TMIGD1: variants seen among roughly 807,000 people sequenced by gnomAD.
TMIGD1 encodes the protein transmembrane and immunoglobulin domain containing 1, also known as transmembrane and immunoglobulin domain-containing protein 1.
Under a neutral mutation model 27.5 loss-of-function variants are expected in TMIGD1, and 29 were observed. The ratio of observed to expected loss-of-function variants is 1.05; its 90% CI spans 0.78 to 1.44. TMIGD1 has a LOEUF of 1.44. Ranked by LOEUF, TMIGD1 falls within the 40% of genes most tolerant of loss-of-function variation. The pLI is 0.00. For missense variants in TMIGD1, 334 were observed against 310.6 expected (o/e 1.08, Z -0.57); for synonymous variants, 109 against 110.3 (o/e 0.99, Z 0.07).
chr17:30,319,118 A>C (rs1356779798), intron 4 of TMIGD1, among the ~76,000 whole-genome samples: 2 of 151,262 alleles, frequency 1.3e-5, no homozygotes, highest in South Asian at 4.2e-4. Flanking sequence ...AAGTCATAGA[A>C]TTAGGCCGGG....
At chr17:30,319,261 A>AAAATATATATATAT in intron 4 of TMIGD1, among the ~76,000 whole-genome samples, 38 of 69,038 alleles carry the variant, frequency 5.5e-4, no homozygotes, top group Non-Finnish European at 7.9e-4. Flanking sequence ...AAAAAAAAAA[A>AAAATATATATATAT]ATATATATAT....
intron 3 of TMIGD1, among the ~76,000 whole-genome samples, chr17:30,325,501 A>G (rs1234556986): frequency 1.3e-5 from 2 of 152,142 alleles, no homozygotes; most frequent in African/African-American, 4.8e-5. Flanking sequence ...ATCTAATTCC[A>G]TCTACACCGT....
At chr17:30,330,836 A>G (rs1418317606) in intron 2 of TMIGD1, among the ~76,000 whole-genome samples, 3 of 152,238 alleles carry the variant, frequency 2.0e-5, no homozygotes, top group Non-Finnish European at 4.4e-5. Context: ...TTTATCTGTC[A>G]TAAACCTGTA....
In TMIGD1 at chr17:30,324,808, A is replaced by G; in HGVS notation, c.640+8T>C. ...ACTGTGCTGGGTATTACTTAAAAAG[A>G]GCATTACCTTTAACAATCAGGTGAA... On this transcript the variant is annotated splice_region_variant and intron_variant, in intron 4 of 6. Transcript: ENST00000328886. 2 of 1,613,126 alleles carry G rather than the reference A, an allele frequency of 1.2e-6. No individual in the cohort carries two copies. The highest frequency in any genetic ancestry group is 1.7e-6 in the Non-Finnish European group (2 of 1,179,166).
At chr17:30,327,628 C>T (rs1909831184) in intron 3 of TMIGD1, among the ~76,000 whole-genome samples, 1 of 151,898 alleles carries the variant, frequency 6.6e-6, no homozygotes, top group Admixed American at 6.6e-5. Context: ...GGCGCAATCA[C>T]AGCTCGCTGA....
chr17:30,329,118 A>T (rs750080795), intron 3 of TMIGD1, 133 bp downstream of exon 3: 54 of 1,007,588 alleles, frequency 5.4e-5, no homozygotes, highest in Admixed American at 7.6e-5. Flanking sequence ...GTGAGGGGAA[A>T]TAGGTACTCT....
rs1909416154 is a variant in TMIGD1, at chr17:30,316,457, T to C, written c.*230A>G. The C allele has an allele frequency of 6.3e-6, 3 of 479,250 alleles. No homozygotes were observed. Among genetic ancestry groups the C allele is most frequent in the East Asian group, 3.5e-5 (1 of 28,656 alleles). 29.7% of individuals were successfully genotyped at this position (479,250 alleles called of 1,614,324 possible). On this transcript the variant is annotated 3_prime_UTR_variant, in exon 7 of 7. Transcript: ENST00000328886. ...GAACAAATCTCAATTAATTAACATA[T>C]ACTTCAAGGAGAAGACTTAACAAAA...
intron 3 of TMIGD1, among the ~76,000 whole-genome samples, chr17:30,327,571 T>C (rs1374228249): frequency 6.6e-6 from 1 of 151,870 alleles, no homozygotes; most frequent in Non-Finnish European, 1.5e-5. Context: ...TTTATTTTAT[T>C]TTTTTTGAGA....
chr17:30,324,244 G>A (rs909815165), intron 4 of TMIGD1, among the ~76,000 whole-genome samples: 1 of 152,266 alleles, frequency 6.6e-6, no homozygotes, highest in South Asian at 2.1e-4. Context: ...CAAGAAATAT[G>A]AGGAGGGAAA....
intron 4 of TMIGD1, among the ~76,000 whole-genome samples, chr17:30,319,261 AAT>A (rs1175035556): frequency 0.011 from 756 of 69,054 alleles, 52 homozygotes; most frequent in African/African-American, 0.054. Context: ...AAAAAAAAAA[AAT>A]ATATATATAT....
intron 4 of TMIGD1, 113 bp downstream of exon 4, chr17:30,324,703 A>T: frequency 1.5e-6 from 2 of 1,296,458 alleles, no homozygotes; most frequent in Non-Finnish European, 2.1e-6. Context: ...TCTCCAAAGA[A>T]AATCCTGGCC....
intron 5 of TMIGD1, among the ~76,000 whole-genome samples, chr17:30,318,554 A>G (rs1909495352): frequency 6.6e-6 from 1 of 152,112 alleles, no homozygotes. Flanking sequence ...ATCAGCCCCC[A>G]ATTGCCTACC....
intron 1 of TMIGD1, among the ~76,000 whole-genome samples, chr17:30,333,559 T>C (rs1427535536): frequency 6.6e-6 from 1 of 152,156 alleles, no homozygotes; most frequent in Admixed American, 6.5e-5. Flanking sequence ...AGCTGAAATA[T>C]ACCTATACCT....
chr17:30,332,733 A>G (rs1910020192), intron 1 of TMIGD1, among the ~76,000 whole-genome samples: 1 of 152,082 alleles, frequency 6.6e-6, no homozygotes, highest in African/African-American at 2.4e-5. Context: ...AAAATAATAA[A>G]TAATAAAGGT....
At chr17:30,320,961 G>A (rs1038896109) in intron 4 of TMIGD1, among the ~76,000 whole-genome samples, 5 of 152,072 alleles carry the variant, frequency 3.3e-5, no homozygotes, top group East Asian at 1.9e-4. Flanking sequence ...GGGTTCAAGC[G>A]ATTCTCCTGT....
At chr17:30,325,475 C>T (rs141934686) in intron 3 of TMIGD1, among the ~76,000 whole-genome samples, 2 of 151,818 alleles carry the variant, frequency 1.3e-5, no homozygotes, top group African/African-American at 4.8e-5. Context: ...ATTAAGAAGA[C>T]ATACATTGCA....
Position 30,318,902 on chromosome 17 carries a change from CCA to C in TMIGD1, c.650_651del (p.Val217GlyfsTer25), listed in dbSNP as rs1414861469. ...DFHLIVKDKT[V>X]GVPIEPIIAA... is the part of the protein sequence containing the mutation. ...GCAATAATGGGCTCTATTGGTACACCCACAGTTTTATCTGTAGGAAATGCAAA... is the reference window on the plus strand; with the variant it reads ...GCAATAATGGGCTCTATTGGTACACCCAGTTTTATCTGTAGGAAATGCAAA... On this transcript the variant is annotated frameshift_variant, in exon 5 of 7. Coordinates refer to ENST00000328886, the MANE Select transcript of TMIGD1 (RefSeq NM_206832.3). LOFTEE classifies it high-confidence loss of function. 18 of 1,612,182 alleles carry C rather than the reference CCA, an allele frequency of 1.1e-5. No individual in the cohort carries two copies. Among genetic ancestry groups the C allele is most frequent in the Non-Finnish European group, 1.5e-5 (18 of 1,178,404 alleles).
At chr17:30,318,747 C>A in intron 5 of TMIGD1, 63 bp downstream of exon 5, 1 of 1,285,668 alleles carries the variant, frequency 7.8e-7, no homozygotes, top group Non-Finnish European at 1.1e-6. Context: ...ACTTATATTT[C>A]TAGCTTTCTG....
At chr17:30,332,219 C>A in intron 1 of TMIGD1, 61 bp from the exon 2 acceptor site, 1 of 953,716 alleles carries the variant, frequency 1.0e-6, no homozygotes, top group South Asian at 1.5e-5. Context: ...CGTGAACCTT[C>A]CTTCTGTCTA....
Sources: gnomAD v4.1 joint callset for allele counts (sites outside exome capture counted in the v4.1 genomes callset) on GRCh38, gnomAD v4.1.1 for gene constraint, MANE v1.5 for transcripts, NCBI Gene and HGNC (gene_info 2026-07-23, HGNC 2026-07-21) for gene names.